IQSEC3: variants seen among roughly 807,000 people sequenced by gnomAD.
IQSEC3 encodes IQ motif and Sec7 domain ArfGEF 3, also known as IQ motif and SEC7 domain-containing protein 3.
A neutral mutation model predicts 105.4 loss-of-function variants in IQSEC3; 50 were observed. That is an observed-to-expected ratio of 0.47 (90% CI 0.38 to 0.60). The LOEUF (loss-of-function observed/expected upper bound fraction) is 0.60. Among genes scored for constraint, IQSEC3 ranks in the 20% least tolerant of loss-of-function variants. The probability of loss-of-function intolerance (pLI) is 0.00; values close to 1 mark genes in which losing one functional copy is unlikely to be tolerated. For missense variants in IQSEC3, 1,415 were observed against 1,630.0 expected (o/e 0.87, Z 2.27); for synonymous variants, 708 against 746.0 (o/e 0.95, Z 0.83).
chr12:163,177 TCTC>T (rs1565447071), intron 8 of IQSEC3, among the ~76,000 whole-genome samples: 1 of 12,810 alleles, frequency 7.8e-5, no homozygotes. Context: ...ACCCCTCCCC[TCTC>T]CTCCCTCCAC....
At chr12:140,475 T>C (rs1040680798) in intron 4 of IQSEC3, 1 of 152,210 alleles carries the variant, frequency 6.6e-6, no homozygotes, top group Admixed American at 6.5e-5. Flanking sequence ...AAGACAGGAA[T>C]TCTTAAACTA....
At chr12:121,031 G>A (rs1465743081) in intron 2 of IQSEC3, among the ~76,000 whole-genome samples, 1 of 152,222 alleles carries the variant, frequency 6.6e-6, no homozygotes, top group African/African-American at 2.4e-5. Context: ...AGAGAGTGGA[G>A]AGCCCCAGGA....
intron 3 of IQSEC3, among the ~76,000 whole-genome samples, chr12:131,222 T>G (rs1047629268): frequency 6.6e-6 from 1 of 152,212 alleles, no homozygotes; most frequent in African/African-American, 2.4e-5. Context: ...TGCCGCTGCT[T>G]CTTCTGGCAG....
chr12:156,974 G>C (rs1866709176), intron 5 of IQSEC3, 51 bp from the exon 6 acceptor site: 1 of 1,500,884 alleles, frequency 6.7e-7, no homozygotes, highest in African/African-American at 1.4e-5. Context: ...ATGGGTGTTG[G>C]AGGGTGCTTA....
chr12:120,258 G>A (rs927538453), intron 2 of IQSEC3, among the ~76,000 whole-genome samples: 4 of 152,212 alleles, frequency 2.6e-5, no homozygotes, highest in Non-Finnish European at 4.4e-5. Context: ...AAGAGGTGAC[G>A]ATGCAGAGAA....
intron 2 of IQSEC3, among the ~76,000 whole-genome samples, chr12:117,839 T>A (rs1343526030): frequency 4.6e-5 from 7 of 152,196 alleles, no homozygotes; most frequent in African/African-American, 1.7e-4. Flanking sequence ...GACAGCCACA[T>A]CTGCCCTCCT....
chr12:139,355 G>GT lies in IQSEC3; in HGVS notation c.1991+2dup, dbSNP rs1565427933. On this transcript the variant is annotated splice_donor_variant, in intron 4 of 13. Coordinates refer to ENST00000538872, the MANE Select transcript of IQSEC3 (RefSeq NM_001170738.2). LOFTEE classifies it high-confidence loss of function. ...GCATCGGCCTCAACCTCTTCAACAT[G>GT]TAAGTCAGCCCCGGCCCCCAGCCCG... 6.5e-7 allele frequency: 1 copy of GT among 1,548,916 alleles called. No individual in the cohort carries two copies. The highest frequency in any genetic ancestry group is 1.9e-5 in the Admixed American group (1 of 51,808).
chr12:97,524 G>A (rs1317925391), intron 1 of IQSEC3, among the ~76,000 whole-genome samples: 1 of 152,140 alleles, frequency 6.6e-6, no homozygotes, highest in Admixed American at 6.5e-5. Flanking sequence ...GTCAAATTAA[G>A]GTTGGCTCAG....
At position 138,979 on chromosome 12, in the gene IQSEC3, A is replaced by T; in HGVS notation, c.1616A>T (p.Glu539Val). 1 of 1,539,756 alleles carries T rather than the reference A, an allele frequency of 6.5e-7. No homozygotes were observed. Among genetic ancestry groups the T allele is most frequent in the Non-Finnish European group, 8.7e-7 (1 of 1,143,180 alleles). ...GAGACCTCTGGGCGGGAGGCCCCGGAAGCCCCCGCCGTGGGCCGGGAGGAC... is the reference window on the plus strand; with the variant it reads ...GAGACCTCTGGGCGGGAGGCCCCGGTAGCCCCCGCCGTGGGCCGGGAGGAC... Reference protein sequence around the residue: ...QGETSGREAPEAPAVGREDAS... With the variant: ...QGETSGREAPVAPAVGREDAS... Residue 539 changes from glutamate (E) to valine (V), a missense_variant, in exon 4 of 14, where the codon GAA (glutamate) becomes GTA (valine). Glu to Val is a moderately radical substitution (Grantham distance 121). Coordinates refer to ENST00000538872, the MANE Select transcript of IQSEC3 (RefSeq NM_001170738.2). The surrounding 1 kb of genome is among the most constrained non-coding windows in gnomAD (Gnocchi z 7.1).
At chr12:129,248 G>A (rs1368025856) in intron 3 of IQSEC3, among the ~76,000 whole-genome samples, 4 of 152,216 alleles carry the variant, frequency 2.6e-5, no homozygotes, top group East Asian at 3.9e-4. Context: ...CATAGCCCAC[G>A]TGAAGAGCCA....
intron 11 of IQSEC3, chr12:166,461 G>A (rs1938655187): frequency 6.6e-6 from 1 of 152,432 alleles, no homozygotes; most frequent in Non-Finnish European, 1.5e-5. Context: ...TTCCATTCAG[G>A]CATTTTAGAG....
intron 1 of IQSEC3, among the ~76,000 whole-genome samples, chr12:93,241 T>A (rs1864147342): frequency 6.6e-6 from 1 of 152,160 alleles, no homozygotes; most frequent in South Asian, 2.1e-4. Flanking sequence ...CACTGGGGTT[T>A]GAGGGTGGTG....
At chr12:121,609 C>T (rs1440973390) in intron 2 of IQSEC3, among the ~76,000 whole-genome samples, 4 of 152,226 alleles carry the variant, frequency 2.6e-5, no homozygotes, top group African/African-American at 7.2e-5. Flanking sequence ...TCCAGAAAGC[C>T]TGTCCATTTG....
intron 7 of IQSEC3, among the ~76,000 whole-genome samples, chr12:158,136 G>A (rs1226826413): frequency 6.6e-6 from 1 of 151,986 alleles, no homozygotes; most frequent in Non-Finnish European, 1.5e-5. Flanking sequence ...CTGGCAGGGA[G>A]CAAACCAGGA....
chr12:125,695 T>C lies in IQSEC3; in HGVS notation c.686T>C (p.Val229Ala). 1 of 1,532,622 alleles carries C rather than the reference T, an allele frequency of 6.5e-7. No homozygotes were observed. The highest frequency in any genetic ancestry group is 8.7e-7 in the Non-Finnish European group (1 of 1,150,884). The allele number at this position is 1,532,622 out of a possible 1,614,324, so 94.9% of individuals were successfully genotyped here. ...GACTCCGTGGTGGCAGCGGCGGCGG[T>C]GGCAGCCGGCAGACCCAGTGCCCAT... ...MEDSVVAAAA[V>A]AAGRPSAHAP... Residue 229 changes from valine (V) to alanine (A), a missense_variant, in exon 3 of 14, where the codon GTG (valine) becomes GCG (alanine). Physicochemically the swap from Val to Ala is moderately conservative, Grantham distance 64 (BLOSUM62 0). This residue lies in a region of IQSEC3 where 720 missense variants were observed against 633.0 expected (regional missense o/e 1.14). Transcript: ENST00000538872.
chr12:113,102 C>A (rs1555079917), intron 2 of IQSEC3, among the ~76,000 whole-genome samples: 1 of 152,148 alleles, frequency 6.6e-6, no homozygotes, highest in East Asian at 1.9e-4. Context: ...CTGGCCCCCA[C>A]TTCCTTCCCT....
intron 2 of IQSEC3, among the ~76,000 whole-genome samples, chr12:119,571 G>A (rs1865153815): frequency 6.6e-6 from 1 of 152,292 alleles, no homozygotes; most frequent in Non-Finnish European, 1.5e-5. Context: ...CAGTTCTTGA[G>A]GAAGCAGACT....
At position 125,725 on chromosome 12, in the gene IQSEC3, C is replaced by T. The variant is rs200538443; in HGVS notation, c.716C>T (p.Pro239Leu). 3.1e-4 allele frequency: 478 copies of T among 1,531,128 alleles called. No individual in the cohort carries two copies. Among genetic ancestry groups the T allele is most frequent in the Non-Finnish European group, 3.5e-4 (400 of 1,148,682 alleles). The allele number at this position is 1,531,128 out of a possible 1,614,324, so 94.8% of individuals were successfully genotyped here. A position where few individuals can be genotyped will look rare whatever the true frequency, so the allele number is the denominator to read the frequency against. ...GCCGGCAGACCCAGTGCCCATGCCC[C>T]GAAGGCTCAAGCCCAGGAGCTGCAG... Reference protein sequence around the residue: ...VAAGRPSAHAPKAQAQELQEE... With the variant: ...VAAGRPSAHALKAQAQELQEE... Residue 239 changes from proline to leucine, a missense_variant, in exon 3 of 14, where the codon CCG becomes CTG. By Grantham distance (98) the Pro-to-Leu change is moderately conservative. Coordinates refer to ENST00000538872, the MANE Select transcript of IQSEC3 (RefSeq NM_001170738.2).
At chr12:141,318 C>A in intron 5 of IQSEC3, 33 bp downstream of exon 5, 1 of 1,593,966 alleles carries the variant, frequency 6.3e-7, no homozygotes, top group Admixed American at 1.7e-5. Flanking sequence ...TTTCCCCACT[C>A]CTTCCCACAC....
Sources: gnomAD v4.1 joint callset for allele counts (sites outside exome capture counted in the v4.1 genomes callset) on GRCh38, gnomAD v4.1.1 for gene constraint, gnomAD v4.1.1 regional missense constraint, Gnocchi (gnomAD v3.1) non-coding constraint, MANE v1.5 for transcripts, NCBI Gene and HGNC (gene_info 2026-07-23, HGNC 2026-07-21) for gene names.